DPYD: variants seen among roughly 807,000 people sequenced by gnomAD.
The protein encoded by DPYD is dihydropyrimidine dehydrogenase [NADP(+)].
In DPYD, 109 loss-of-function variants were observed where a neutral mutation model predicts 116.2. That is an observed-to-expected ratio of 0.94 (90% CI 0.80 to 1.10). DPYD has a LOEUF of 1.10. Ranked by LOEUF, DPYD falls within the 50% of genes least tolerant of loss-of-function variation. The pLI is 0.00. For missense variants in DPYD, 1,302 were observed against 1,254.5 expected (o/e 1.04, Z -0.57); for synonymous variants, 440 against 432.0 (o/e 1.02, Z -0.23).
chr1:97,527,326 C>T (rs1649218122), intron 12 of DPYD, among the ~76,000 whole-genome samples: 10 of 152,098 alleles, frequency 6.6e-5, no homozygotes, highest in Admixed American at 6.5e-4. Flanking sequence ...ATCTGCCTGC[C>T]TTGGCCTCCC....
chr1:97,158,254 A>C (rs1323411152), intron 20 of DPYD, among the ~76,000 whole-genome samples: 1 of 152,044 alleles, frequency 6.6e-6, no homozygotes, highest in Non-Finnish European at 1.5e-5. Flanking sequence ...TGATTTAGCG[A>C]TGGCAGTACA....
At chr1:97,614,899 A>G in intron 8 of DPYD, among the ~76,000 whole-genome samples, 1 of 152,076 alleles carries the variant, frequency 6.6e-6, no homozygotes, top group Non-Finnish European at 1.5e-5. Flanking sequence ...TCAAAAATCA[A>G]TGCTCTTTCC....
Position 97,388,511 on chromosome 1 carries a change from T to G in DPYD, c.1906-6050A>C, listed in dbSNP as rs1432553728. On this transcript the variant is annotated intron_variant, in intron 14 of 22. Transcript: ENST00000370192. ...GTGATGTCGTGCCAAGAGAAGGAAG[T>G]GTTCCAAAAAGTAAGGAACAATCAA... Among the ~76,000 whole-genome samples, 8 of 152,054 alleles carry G rather than the reference T, an allele frequency of 5.3e-5. 1 individual carries two copies.
At chr1:97,167,296 G>A (rs1181837248) in intron 20 of DPYD, among the ~76,000 whole-genome samples, 1 of 152,028 alleles carries the variant, frequency 6.6e-6, no homozygotes, top group Admixed American at 6.6e-5. Flanking sequence ...TTAGTGTGCT[G>A]GCATTAGATT....
At chr1:97,367,385 T>A (rs78515712) in intron 16 of DPYD, among the ~76,000 whole-genome samples, 3 of 152,246 alleles carry the variant, frequency 2.0e-5, no homozygotes, top group African/African-American at 7.2e-5. Context: ...GGAGTAATAA[T>A]CTTTAAAAAT....
intron 20 of DPYD, among the ~76,000 whole-genome samples, chr1:97,159,097 A>G (rs1461542464): frequency 1.3e-5 from 2 of 152,134 alleles, no homozygotes; most frequent in African/African-American, 2.4e-5. Context: ...ATCAACAGGG[A>G]TCAGTCCTGA....
At chr1:97,695,544 T>C (rs1031562340) in intron 6 of DPYD, among the ~76,000 whole-genome samples, 4 of 151,512 alleles carry the variant, frequency 2.6e-5, no homozygotes, top group Non-Finnish European at 2.9e-5. Flanking sequence ...TTTACTTTTA[T>C]GCTCTAAATA....
intron 20 of DPYD, among the ~76,000 whole-genome samples, chr1:97,129,782 G>T (rs1478530625): frequency 6.6e-6 from 1 of 152,052 alleles, no homozygotes; most frequent in East Asian, 1.9e-4. Flanking sequence ...TTTTTATTCT[G>T]CTTTTTATTA....
intron 5 of DPYD, among the ~76,000 whole-genome samples, chr1:97,705,501 T>C (rs930926903): frequency 6.6e-6 from 1 of 152,110 alleles, no homozygotes; most frequent in Non-Finnish European, 1.5e-5. Flanking sequence ...CCATGGTGTA[T>C]ATGTGCCACA....
chr1:97,252,911 G>C (rs545074578), intron 18 of DPYD, among the ~76,000 whole-genome samples: 1 of 151,952 alleles, frequency 6.6e-6, no homozygotes, highest in Non-Finnish European at 1.5e-5. Context: ...CATAAACTTC[G>C]AAATACAAAT....
intron 8 of DPYD, among the ~76,000 whole-genome samples, chr1:97,620,051 A>G (rs1017324101): frequency 5.3e-5 from 8 of 151,352 alleles, no homozygotes; most frequent in East Asian, 3.9e-4. Context: ...AAAAAAAAAA[A>G]CATAGGCACT....
In DPYD at chr1:97,743,501, T is replaced by C. The variant is rs372037913; in HGVS notation, c.234-3022A>G. Among the ~76,000 whole-genome samples the C allele has an allele frequency of 7.1e-3, 1,083 of 152,208 alleles. 15 individuals are homozygous for C. The highest frequency in any genetic ancestry group is 7.4e-3 in the Non-Finnish European group (506 of 68,008). On this transcript the variant is annotated intron_variant, in intron 3 of 22. Coordinates refer to ENST00000370192, the MANE Select transcript of DPYD (RefSeq NM_000110.4). ...TGAGCGGTGGGGGTTGATCATCAAG[T>C]GACATTAGTGTTGACCTATTTTTCT...
intron 3 of DPYD, among the ~76,000 whole-genome samples, chr1:97,741,738 T>C (rs1024438973): frequency 6.6e-6 from 1 of 152,104 alleles, no homozygotes; most frequent in African/African-American, 2.4e-5. Context: ...AACATGCAGT[T>C]TGAATGAAGT....
chr1:97,548,512 G>T (rs182554300), intron 12 of DPYD, among the ~76,000 whole-genome samples: 1 of 152,048 alleles, frequency 6.6e-6, no homozygotes, highest in Non-Finnish European at 1.5e-5. Flanking sequence ...TGAGGTGGGC[G>T]GATCACTTGA....
rs574329762 is a variant in DPYD, at chr1:97,323,327, T to C, written c.2059-17030A>G. Among the ~76,000 whole-genome samples, 82 of 129,120 alleles carry C rather than the reference T, an allele frequency of 6.4e-4. 2 individuals are homozygous for C. The highest frequency in any genetic ancestry group is 2.3e-3 in the African/African-American group (78 of 34,124). The allele number at this position is 129,120 out of a possible 152,430, so 84.7% of individuals were successfully genotyped here. Reference sequence around the variant, plus strand: ...GTACACGTATATATACATATGTGTATATGTACACGTATATATACATGTGTA... The same window carrying C: ...GTACACGTATATATACATATGTGTACATGTACACGTATATATACATGTGTA... On this transcript the variant is annotated intron_variant, in intron 16 of 22. Coordinates refer to ENST00000370192, the MANE Select transcript of DPYD (RefSeq NM_000110.4).
chr1:97,647,382 T>C (rs924334934), intron 8 of DPYD, among the ~76,000 whole-genome samples: 1 of 151,966 alleles, frequency 6.6e-6, no homozygotes. Context: ...AAATGAAAGA[T>C]AAATTCTCTT....
intron 18 of DPYD, among the ~76,000 whole-genome samples, chr1:97,269,005 C>T (rs1368605564): frequency 6.6e-6 from 1 of 152,126 alleles, no homozygotes; most frequent in Non-Finnish European, 1.5e-5. Context: ...ACATTTCTCT[C>T]TCTCATTTTA....
chr1:97,773,536 C>A (rs187301007), intron 3 of DPYD, among the ~76,000 whole-genome samples: 1 of 152,232 alleles, frequency 6.6e-6, no homozygotes, highest in African/African-American at 2.4e-5. Flanking sequence ...CCACCATGCT[C>A]CCCCCATCCT....
intron 18 of DPYD, among the ~76,000 whole-genome samples, chr1:97,271,316 A>G (rs990314261): frequency 6.6e-6 from 1 of 152,136 alleles, no homozygotes; most frequent in Non-Finnish European, 1.5e-5. Context: ...AGTGTAGAGA[A>G]TGGACAGAAG....
Sources: allele counts gnomAD v4.1 joint callset (sites outside exome capture counted in the v4.1 genomes callset), GRCh38; gene constraint gnomAD v4.1.1; transcripts MANE v1.5; gene names NCBI Gene and HGNC (gene_info 2026-07-23, HGNC 2026-07-21).